The following SHFL variants were observed in gnomAD, a reference collection of about 807,000 sequenced individuals.
The protein encoded by SHFL is shiftless antiviral inhibitor of ribosomal frameshifting.
SHFL carries 12 observed loss-of-function variants against 34.7 expected under a neutral mutation model. The ratio of observed to expected loss-of-function variants is 0.35; its 90% CI spans 0.22 to 0.56. SHFL has a LOEUF of 0.56. Ranked by LOEUF, SHFL falls within the 20% of genes least tolerant of loss-of-function variation. SHFL has a pLI of 0.88. For missense variants in SHFL, 278 were observed against 411.1 expected, an observed-to-expected ratio of 0.68 and a Z score of 2.80; for synonymous variants, 148 against 156.0, an observed-to-expected ratio of 0.95 and a Z score of 0.38.
In SHFL at chr19:10,092,093, T is replaced by C; in HGVS notation, c.667T>C (p.Cys223Arg). 6.2e-7 allele frequency: 1 copy of C among 1,613,876 alleles called. No individual in the cohort carries two copies. The highest frequency in any genetic ancestry group is 8.5e-7 in the Non-Finnish European group (1 of 1,179,812). Residue 223 changes from cysteine (C) to arginine (R), a missense_variant, in exon 8 of 8, where the codon TGT becomes CGT. This residue lies in a region of SHFL where 243 missense variants were observed against 386.2 expected (regional missense o/e 0.63). Transcript: ENST00000253110. Reference sequence around the variant, plus strand: ...AGAGCCCCACGTGCCTGGGACATCCTGTGCTCACCCCAAGAGCCGGAAGCA... The same window carrying C: ...AGAGCCCCACGTGCCTGGGACATCCCGTGCTCACCCCAAGAGCCGGAAGCA... The part of the protein sequence containing the change: ...RREPHVPGTS[C>R]AHPKSRKQNH...
intron 3 of SHFL, 51 bp downstream of exon 3, chr19:10,087,351 AG>A (rs1369982830): frequency 1.2e-6 from 2 of 1,607,842 alleles, no homozygotes; most frequent in Non-Finnish European, 1.7e-6. Flanking sequence ...AGGGAGAGCA[AG>A]AGGGGGGACC....
In SHFL at chr19:10,091,777, C is replaced by A. The variant is rs747558906; in HGVS notation, c.643+147C>A. The A allele has an allele frequency of 8.3e-7, 1 of 1,198,388 alleles. No homozygotes were observed. The highest frequency in any genetic ancestry group is 1.1e-6 in the Non-Finnish European group (1 of 876,850). 74.2% of individuals were successfully genotyped at this position (1,198,388 alleles called of 1,614,324 possible). A position where few individuals can be genotyped will look rare whatever the true frequency, so the allele number is the denominator to read the frequency against. On this transcript the variant is annotated intron_variant, in intron 7 of 7. Coordinates refer to ENST00000253110, the MANE Select transcript of SHFL (RefSeq NM_018381.4). This position sits in a 1 kb window ranked among gnomAD's most constrained non-coding sequence, Gnocchi z 8.2. ...TCCATGACCCCCCAGTCTCCGTGGT[C>A]TTGCCCAGGAGGCTCTGAGGTTTCA...
Position 10,086,835 on chromosome 19 carries a change from G to T in SHFL, c.22-94G>T, listed in dbSNP as rs540449876. 22 of 1,471,604 alleles carry T rather than the reference G, an allele frequency of 1.5e-5. No homozygotes were observed. The Middle Eastern group carries it at 7.2e-4, about 48-fold the overall frequency. The allele number at this position is 1,471,604 out of a possible 1,614,324, so 91.2% of individuals were successfully genotyped here. A position where few individuals can be genotyped will look rare whatever the true frequency, so the allele number is the denominator to read the frequency against. On this transcript the variant is annotated intron_variant, in intron 1 of 7. Transcript: ENST00000253110. The surrounding 1 kb of genome is among the most constrained non-coding windows in gnomAD (Gnocchi z 5.2). ...GGGGCGGCGGAGGCCAAAACCAAGGGTCAAGTTCGGGCCGGGAGAACGGTG... is the reference window on the plus strand; with the variant it reads ...GGGGCGGCGGAGGCCAAAACCAAGGTTCAAGTTCGGGCCGGGAGAACGGTG...
In SHFL at chr19:10,092,322, C is replaced by T. The variant is rs1317383931; in HGVS notation, c.*20C>T. 1.3e-6 allele frequency: 2 copies of T among 1,558,526 alleles called. No individual in the cohort carries two copies. The highest frequency in any genetic ancestry group is 1.4e-5 in the African/African-American group (1 of 73,222). On this transcript the variant is annotated 3_prime_UTR_variant, in exon 8 of 8. Transcript: ENST00000253110. ...GAGTGACCCCTGCCAGGTGCAGATA[C>T]AAACCAGACACGGTCTGTGGCTACT...
intron 5 of SHFL, 124 bp downstream of exon 5, chr19:10,090,171 A>G (rs2145156268): frequency 9.1e-7 from 1 of 1,102,700 alleles, no homozygotes; most frequent in South Asian, 1.5e-5. Flanking sequence ...CTGACCTCCA[A>G]ACTCAGAGCT....
Position 10,091,077 on chromosome 19 carries a change from G to T in SHFL, c.385-173G>T, listed in dbSNP as rs1040979718. ...TGTAGTGTTTGCCAATTTCTGTGGT[G>T]TAAATATTCCCACCATGGTCAATAT... On this transcript the variant is annotated intron_variant, in intron 5 of 7. Coordinates refer to ENST00000253110, the MANE Select transcript of SHFL (RefSeq NM_018381.4). The surrounding 1 kb of genome is among the most constrained non-coding windows in gnomAD (Gnocchi z 8.2). Among the ~76,000 whole-genome samples, 2 of 152,178 alleles carry T rather than the reference G, an allele frequency of 1.3e-5. No individual in the cohort carries two copies. Among genetic ancestry groups the T allele is most frequent in the Admixed American group, 6.5e-5 (1 of 15,272 alleles).
intron 5 of SHFL, chr19:10,090,328 T>G: frequency 4.9e-6 from 2 of 407,400 alleles, no homozygotes; most frequent in Admixed American, 3.7e-5. Flanking sequence ...CCAGGCGCAG[T>G]GGCTCATGGC....
Position 10,092,423 on chromosome 19 carries a change from C to CG in SHFL, c.*128dup, listed in dbSNP as rs1291964984. The CG allele has an allele frequency of 1.2e-4, 178 of 1,512,324 alleles. 1 individual carries two copies. The South Asian group carries it at 1.9e-3, about 16-fold the overall frequency. The allele number at this position is 1,512,324 out of a possible 1,614,324, so 93.7% of individuals were successfully genotyped here. A position where few individuals can be genotyped will look rare whatever the true frequency, so the allele number is the denominator to read the frequency against. On this transcript the variant is annotated 3_prime_UTR_variant, in exon 8 of 8. Transcript: ENST00000253110. ...GAGCCATCTGAGGCCAAGATATTGA[C>CG]GGGGGGGATTCCTGGGTCCCATTTT...
Position 10,087,283 on chromosome 19 carries a change from A to G in SHFL, c.178A>G (p.Asn60Asp). 1 of 1,614,030 alleles carries G rather than the reference A, an allele frequency of 6.2e-7. No individual in the cohort carries two copies. The highest frequency in any genetic ancestry group is 2.2e-5 in the East Asian group (1 of 44,874). Residue 60 changes from asparagine (N) to aspartate (D), a missense_variant, in exon 3 of 8, where the codon AAC becomes GAC. Physicochemically the swap from Asn to Asp is conservative, Grantham distance 23 (BLOSUM62 1). Around this residue, in one of 2 missense-constraint regions of SHFL, gnomAD observed 243 missense variants for 386.2 expected, o/e 0.63. Coordinates refer to ENST00000253110, the MANE Select transcript of SHFL (RefSeq NM_018381.4). Reference protein sequence around the residue: ...VKQKDGQELSNDLDAQDPPED... With the variant: ...VKQKDGQELSDDLDAQDPPED... ...GCAAAAAGATGGCCAAGAACTAAGT[A>G]ACGATCTGGATGCCCAGGTAACCTA... is the stretch of plus-strand genomic sequence containing the variant.
In SHFL at chr19:10,086,640, C is replaced by A; in HGVS notation, c.21+192C>A. On this transcript the variant is annotated intron_variant, in intron 1 of 7. Transcript: ENST00000253110. This position sits in a 1 kb window ranked among gnomAD's most constrained non-coding sequence, Gnocchi z 5.2. The stretch of plus-strand genomic sequence containing the variant: ...TTTCCCCAGAGCGAAATGAGGCCTC[C>A]CCGAGGAAAAGCGGGGGCTGCAGGG... 1 of 580,614 alleles carries A rather than the reference C, an allele frequency of 1.7e-6. No homozygotes were observed. Among genetic ancestry groups the A allele is most frequent in the Non-Finnish European group, 2.8e-6 (1 of 358,186 alleles). 36.0% of individuals were successfully genotyped at this position (580,614 alleles called of 1,614,324 possible). A position where few individuals can be genotyped will look rare whatever the true frequency, so the allele number is the denominator to read the frequency against.
Position 10,091,143 on chromosome 19 carries a change from C to T in SHFL, c.385-107C>T. 1 of 910,470 alleles carries T rather than the reference C, an allele frequency of 1.1e-6. No individual in the cohort carries two copies. The allele number at this position is 910,470 out of a possible 1,614,324, so 56.4% of individuals were successfully genotyped here. On this transcript the variant is annotated intron_variant, in intron 5 of 7. Transcript: ENST00000253110. The surrounding 1 kb of genome is among the most constrained non-coding windows in gnomAD (Gnocchi z 8.2). ...AAGTCACTGATTGAGTTGGGTTGCT[C>T]AAGCTGAGGCCAGCCGCTGCAGCAC...
In SHFL at chr19:10,092,371, T is replaced by C; in HGVS notation, c.*69T>C. ...CTTTGTGTTATTATAAGATATGAGC[T>C]CAAACCGAGATATGAATGACCTTGG... On this transcript the variant is annotated 3_prime_UTR_variant, in exon 8 of 8. Transcript: ENST00000253110. 1 of 1,532,342 alleles carries C rather than the reference T, an allele frequency of 6.5e-7. No homozygotes were observed. Among genetic ancestry groups the C allele is most frequent in the South Asian group, 1.2e-5 (1 of 81,798 alleles). The allele number at this position is 1,532,342 out of a possible 1,614,324, so 94.9% of individuals were successfully genotyped here.
Position 10,086,417 on chromosome 19 carries a change from C to A in SHFL, c.-11C>A. ...GTGCGGACCCTCGCGGGGAACTGCG[C>A]CGCCGCCACCATGTCTCAGGAAGGT... is the stretch of plus-strand genomic sequence containing the variant. On this transcript the variant is annotated 5_prime_UTR_variant, in exon 1 of 8. Transcript: ENST00000253110. The surrounding 1 kb of genome is among the most constrained non-coding windows in gnomAD (Gnocchi z 5.2). 2.2e-6 allele frequency: 3 copies of A among 1,342,120 alleles called. No homozygotes were observed. The highest frequency in any genetic ancestry group is 1.9e-6 in the Non-Finnish European group (2 of 1,039,160). The allele number at this position is 1,342,120 out of a possible 1,614,324, so 83.1% of individuals were successfully genotyped here. A position where few individuals can be genotyped will look rare whatever the true frequency, so the allele number is the denominator to read the frequency against.
At position 10,086,688 on chromosome 19, in the gene SHFL, A is replaced by C. The variant is rs925879067; in HGVS notation, c.21+240A>C. 3.3e-6 allele frequency: 2 copies of C among 599,158 alleles called. No individual in the cohort carries two copies. Among genetic ancestry groups the C allele is most frequent in the African/African-American group, 3.8e-5 (2 of 53,308 alleles). The allele number at this position is 599,158 out of a possible 1,614,324, so 37.1% of individuals were successfully genotyped here. A position where few individuals can be genotyped will look rare whatever the true frequency, so the allele number is the denominator to read the frequency against. ...GGGTCAAAGGTCAGAGGCCAGAGAT[A>C]ACCTGGCCGCCCCCCCACACCTTAG... On this transcript the variant is annotated intron_variant, in intron 1 of 7. Transcript: ENST00000253110. The surrounding 1 kb of genome is among the most constrained non-coding windows in gnomAD (Gnocchi z 5.2).
At chr19:10,087,354 G>A in intron 3 of SHFL, 54 bp downstream of exon 3, 2 of 1,603,448 alleles carry the variant, frequency 1.2e-6, no homozygotes, top group Non-Finnish European at 1.7e-6. Flanking sequence ...GAGAGCAAGA[G>A]GGGGGACCCG....
rs1182746394 is a variant in SHFL, at chr19:10,086,541, C to T, written c.21+93C>T. ...GAGGGGGCTTCGCAGTTCCTGGGGACCCCCATCCTAGAACCCCAGATCCTT... is the reference window on the plus strand; with the variant it reads ...GAGGGGGCTTCGCAGTTCCTGGGGATCCCCATCCTAGAACCCCAGATCCTT... On this transcript the variant is annotated intron_variant, in intron 1 of 7. Coordinates refer to ENST00000253110, the MANE Select transcript of SHFL (RefSeq NM_018381.4). This position sits in a 1 kb window ranked among gnomAD's most constrained non-coding sequence, Gnocchi z 5.2. 8.4e-7 allele frequency: 1 copy of T among 1,193,034 alleles called. No homozygotes were observed. Among genetic ancestry groups the T allele is most frequent in the Non-Finnish European group, 1.1e-6 (1 of 923,390 alleles). The allele number at this position is 1,193,034 out of a possible 1,614,324, so 73.9% of individuals were successfully genotyped here.
rs1157561440 is a variant in SHFL, at chr19:10,091,890, A to C, written c.644-180A>C. On this transcript the variant is annotated intron_variant, in intron 7 of 7. Transcript: ENST00000253110. The surrounding 1 kb of genome is among the most constrained non-coding windows in gnomAD (Gnocchi z 8.2). The stretch of plus-strand genomic sequence containing the variant: ...CCCCTGTTTTGTCCCCTGTAATCTC[A>C]GGTGACCCCCATGTCCCCAGGTCTC... 3 of 870,234 alleles carry C rather than the reference A, an allele frequency of 3.4e-6. No individual in the cohort carries two copies. Among genetic ancestry groups the C allele is most frequent in the Non-Finnish European group, 3.5e-6 (2 of 579,066 alleles). 53.9% of individuals were successfully genotyped at this position (870,234 alleles called of 1,614,324 possible).
Position 10,086,661 on chromosome 19 carries a change from C to T in SHFL, c.21+213C>T. On this transcript the variant is annotated intron_variant, in intron 1 of 7. Coordinates refer to ENST00000253110, the MANE Select transcript of SHFL (RefSeq NM_018381.4). This position sits in a 1 kb window ranked among gnomAD's most constrained non-coding sequence, Gnocchi z 5.2. ...CCTCCCCGAGGAAAAGCGGGGGCTG[C>T]AGGGTCAAAGGTCAGAGGCCAGAGA... The T allele has an allele frequency of 1.8e-6, 1 of 566,024 alleles. No individual in the cohort carries two copies. The allele number at this position is 566,024 out of a possible 1,614,324, so 35.1% of individuals were successfully genotyped here.
rs2088287469 is a variant in SHFL, at chr19:10,086,565, T to C, written c.21+117T>C. ...ACCCCCATCCTAGAACCCCAGATCC[T>C]TACCCCTGCCTGGCGCTCGCCCCCC... On this transcript the variant is annotated intron_variant, in intron 1 of 7. Transcript: ENST00000253110. This position sits in a 1 kb window ranked among gnomAD's most constrained non-coding sequence, Gnocchi z 5.2. 2.1e-5 allele frequency: 22 copies of C among 1,038,424 alleles called. No individual in the cohort carries two copies. The highest frequency in any genetic ancestry group is 2.6e-5 in the Non-Finnish European group (20 of 774,898). The allele number at this position is 1,038,424 out of a possible 1,614,324, so 64.3% of individuals were successfully genotyped here.
Sources: allele counts gnomAD v4.1 joint callset (sites outside exome capture counted in the v4.1 genomes callset), GRCh38; gene constraint gnomAD v4.1.1; regional missense constraint gnomAD v4.1.1; non-coding constraint Gnocchi (gnomAD v3.1); transcripts MANE v1.5; gene names NCBI Gene and HGNC (gene_info 2026-07-23, HGNC 2026-07-21).